The following WDFY4 variants were observed in gnomAD, a reference collection of about 807,000 sequenced individuals.
WDFY4 encodes the protein WDFY family member 4.
A neutral mutation model predicts 351.9 loss-of-function variants in WDFY4; 169 were observed. The ratio of observed to expected loss-of-function variants is 0.48; its 90% confidence interval spans 0.42 to 0.55. The LOEUF is 0.55. WDFY4 is among the 20% of genes least tolerant of loss of function. WDFY4 has a pLI of 0.00. For missense variants in WDFY4, 3,803 were observed against 3,935.6 expected (o/e 0.97, Z 0.90); for synonymous variants, 1,622 against 1,574.6 (o/e 1.03, Z -0.71).
Position 48,969,045 on chromosome 10 carries a change from C to A in WDFY4, c.8585-19C>A. Reference sequence around the variant, plus strand: ...GCTGTTCTTCCATGCATAAGTTCGCCATACTAACTGGGGTGTAGATATGTA... The same window carrying A: ...GCTGTTCTTCCATGCATAAGTTCGCAATACTAACTGGGGTGTAGATATGTA... On this transcript the variant is annotated intron_variant, in intron 55 of 61. Transcript: ENST00000325239. 1 of 1,547,972 alleles carries A rather than the reference C, an allele frequency of 6.5e-7. No homozygotes were observed. Among genetic ancestry groups the A allele is most frequent in the South Asian group, 1.2e-5 (1 of 83,958 alleles).
intron 40 of WDFY4, among the ~76,000 whole-genome samples, chr10:48,871,474 T>C (rs868497447): frequency 0.037 from 5,159 of 139,470 alleles, 299 homozygotes; most frequent in African/African-American, 0.13. Context: ...GGCCCCCCCC[T>C]TTTTTTTTTT....
intron 16 of WDFY4, 139 bp downstream of exon 16, chr10:48,777,123 C>T (rs572198494): frequency 8.9e-7 from 1 of 1,127,370 alleles, no homozygotes; most frequent in Non-Finnish European, 1.2e-6. Context: ...GTCATGGACA[C>T]CCGCCTACTC....
In WDFY4 at chr10:48,818,571, A is replaced by C. The variant is rs377284582; in HGVS notation, c.5505+1162A>C. On this transcript the variant is annotated intron_variant, in intron 32 of 61. Coordinates refer to ENST00000325239, the MANE Select transcript of WDFY4 (RefSeq NM_001394531.1). ...CTCCCAGATTGATTGCAAGAATGAA[A>C]TGTACTGAACTTCATGCGATTAACA... is the stretch of plus-strand genomic sequence containing the variant. Among the ~76,000 whole-genome samples the C allele has an allele frequency of 1.1e-4, 17 of 152,342 alleles. No individual in the cohort carries two copies. The East Asian group carries it at 2.9e-3, about 26-fold the overall frequency.
At chr10:48,941,348 C>T (rs1046237951) in intron 47 of WDFY4, among the ~76,000 whole-genome samples, 4 of 152,322 alleles carry the variant, frequency 2.6e-5, no homozygotes, top group South Asian at 4.1e-4. Flanking sequence ...CTGGAACATA[C>T]ACTGGAAACT....
intron 60 of WDFY4, chr10:48,978,599 C>T (rs1043054596): frequency 2.7e-5 from 14 of 521,288 alleles, no homozygotes; most frequent in South Asian, 8.1e-5. Flanking sequence ...ACAGCCACAA[C>T]GGCCTCAGAA....
intron 25 of WDFY4, chr10:48,804,726 C>A: frequency 2.0e-6 from 2 of 984,994 alleles, no homozygotes; most frequent in Non-Finnish European, 2.4e-6. Flanking sequence ...GAGCTGTTTT[C>A]TTTGGGGGAG....
chr10:48,734,624 T>C (rs1478861205), intron 10 of WDFY4, among the ~76,000 whole-genome samples: 2 of 152,102 alleles, frequency 1.3e-5, no homozygotes, highest in East Asian at 3.9e-4. Flanking sequence ...AGAGTAACTA[T>C]ACCTAATGTA....
intron 23 of WDFY4, among the ~76,000 whole-genome samples, chr10:48,795,512 TATATATATATAC>T (rs1344477025): frequency 4.0e-5 from 4 of 100,372 alleles, no homozygotes; most frequent in African/African-American, 1.9e-4. Context: ...TATATATATA[TATATATATATAC>T]ATATATATAT....
chr10:48,803,372 T>C lies in WDFY4; in HGVS notation c.4484+13T>C. ...TTCAATCACCAAGGTAGGCTGGGTC[T>C]TGGCAGCCTGGGGGTTAGAACTGAA... On this transcript the variant is annotated intron_variant, in intron 25 of 61. Transcript: ENST00000325239. 1 of 1,551,666 alleles carries C rather than the reference T, an allele frequency of 6.4e-7. No homozygotes were observed. Among genetic ancestry groups the C allele is most frequent in the Non-Finnish European group, 8.7e-7 (1 of 1,146,904 alleles).
In WDFY4 at chr10:48,932,833, T is replaced by C. The variant is rs533576246; in HGVS notation, c.7587-8973T>C. The stretch of plus-strand genomic sequence containing the variant: ...GGAGGTCCTTTCTGAGAAAGCGACA[T>C]CTGAGCTGTAACTAGAATGCTAAGA... On this transcript the variant is annotated intron_variant, in intron 47 of 61. Transcript: ENST00000325239. 2.0e-3 allele frequency among the ~76,000 whole-genome samples: 301 copies of C among 152,236 alleles called. 3 individuals are homozygous for C. Among genetic ancestry groups the C allele is most frequent in the African/African-American group, 7.0e-3 (289 of 41,540 alleles).
intron 39 of WDFY4, among the ~76,000 whole-genome samples, chr10:48,865,786 T>C (rs2069521185): frequency 6.6e-6 from 1 of 152,226 alleles, no homozygotes; most frequent in Admixed American, 6.5e-5. Flanking sequence ...AATTGTCCAT[T>C]TCTTCTTGAG....
intron 18 of WDFY4, 79 bp from the exon 19 acceptor site, chr10:48,779,862 C>T (rs903183694): frequency 2.3e-5 from 35 of 1,497,278 alleles, no homozygotes; most frequent in South Asian, 1.0e-4. Flanking sequence ...GGTTGACGTC[C>T]GCCTATGCCC....
intron 24 of WDFY4, among the ~76,000 whole-genome samples, chr10:48,802,164 C>G (rs76615428): frequency 0.067 from 10,187 of 151,756 alleles, 557 homozygotes; most frequent in Middle Eastern, 0.16. Flanking sequence ...CACTTGAGCC[C>G]AAGAATTAGA....
intron 43 of WDFY4, among the ~76,000 whole-genome samples, chr10:48,888,293 C>T (rs1564451534): frequency 6.8e-6 from 1 of 146,672 alleles, no homozygotes; most frequent in African/African-American, 2.5e-5. Flanking sequence ...CCCCTCCCTC[C>T]CTCTTTCCTT....
chr10:48,844,053 C>T (rs999635779), intron 39 of WDFY4, among the ~76,000 whole-genome samples: 1 of 152,238 alleles, frequency 6.6e-6, no homozygotes, highest in African/African-American at 2.4e-5. Flanking sequence ...CACTCACAGC[C>T]GGGCCGCCTG....
In WDFY4 at chr10:48,875,113, A is replaced by C; in HGVS notation, c.6973A>C (p.Ile2325Leu). The C allele has an allele frequency of 6.7e-7, 1 of 1,490,254 alleles. No individual in the cohort carries two copies. The highest frequency in any genetic ancestry group is 1.4e-5 in the African/African-American group (1 of 70,670). The allele number at this position is 1,490,254 out of a possible 1,614,324, so 92.3% of individuals were successfully genotyped here. A position where few individuals can be genotyped will look rare whatever the true frequency, so the allele number is the denominator to read the frequency against. ...HKESQDKNDH[I>L]SQTNAENQDE... ...GGAAAGCCAAGACAAAAATGATCATATTTCTCAAACAAATGCTGAAAACCA... is the reference window on the plus strand; with the variant it reads ...GGAAAGCCAAGACAAAAATGATCATCTTTCTCAAACAAATGCTGAAAACCA... The change falls in exon 42 of 62, where the codon ATT (isoleucine) becomes CTT (leucine). Residue 2325 changes from isoleucine to leucine, a missense_variant. Around this residue, in one of 3 missense-constraint regions of WDFY4, gnomAD observed 3,054 missense variants for 3,148.6 expected, o/e 0.97. Transcript: ENST00000325239.
At chr10:48,713,394 A>C (rs2063817329) in intron 2 of WDFY4, among the ~76,000 whole-genome samples, 1 of 152,230 alleles carries the variant, frequency 6.6e-6, no homozygotes, top group African/African-American at 2.4e-5. Flanking sequence ...TGACTCCTTC[A>C]AACACGAGCA....
In WDFY4 at chr10:48,822,425, C is replaced by T. The variant is rs1565238266; in HGVS notation, c.5870C>T (p.Ser1957Phe). 1 of 1,551,306 alleles carries T rather than the reference C, an allele frequency of 6.4e-7. No individual in the cohort carries two copies. The highest frequency in any genetic ancestry group is 8.7e-7 in the Non-Finnish European group (1 of 1,146,658). Residue 1957 changes from serine (S) to phenylalanine (F), a missense_variant, in exon 35 of 62, where the codon TCT becomes TTT. By Grantham distance (155) the Ser-to-Phe change is radical. Around this residue, in one of 3 missense-constraint regions of WDFY4, gnomAD observed 3,054 missense variants for 3,148.6 expected, o/e 0.97. Coordinates refer to ENST00000325239, the MANE Select transcript of WDFY4 (RefSeq NM_001394531.1). ...AGTGCAGAAGCTGCTGCTGCCCCTT[C>T]TCTTGCCAACATCTCCTGCTTCACC... The part of the protein sequence containing the change: ...QPSAEAAAAP[S>F]LANISCFTQK...
At chr10:48,960,999 T>C (rs1283801599) in intron 53 of WDFY4, among the ~76,000 whole-genome samples, 1 of 152,178 alleles carries the variant, frequency 6.6e-6, no homozygotes, top group Non-Finnish European at 1.5e-5. Flanking sequence ...TTGACTGTGG[T>C]GATGGTTACA....
Sources: allele counts gnomAD v4.1 joint callset (sites outside exome capture counted in the v4.1 genomes callset), GRCh38; gene constraint gnomAD v4.1.1; regional missense constraint gnomAD v4.1.1; transcripts MANE v1.5; gene names NCBI Gene and HGNC (gene_info 2026-07-23, HGNC 2026-07-21).